GATAD1: variants seen among roughly 807,000 people sequenced by gnomAD.
GATAD1 encodes GATA zinc finger domain-containing protein 1.
A neutral mutation model predicts 26.5 loss-of-function variants in GATAD1; 12 were observed. The observed-to-expected ratio is 0.45, with a 90% CI of 0.29 to 0.73. GATAD1 has a LOEUF of 0.73. GATAD1 is among the 30% of genes least tolerant of loss of function. GATAD1 has a pLI of 0.10. For missense variants in GATAD1, 266 were observed against 342.1 expected (o/e 0.78, Z 1.75); for synonymous variants, 129 against 133.1 (o/e 0.97, Z 0.21).
chr7:92,461,633 G>A (rs1789924995), downstream of GATAD1, among the ~76,000 whole-genome samples: 1 of 152,150 alleles, frequency 6.6e-6, no homozygotes, highest in African/African-American at 2.4e-5. Flanking sequence ...AGATCACATA[G>A]GGAAAGATAG....
the GATAD1 span, among the ~76,000 whole-genome samples, chr7:92,466,456 C>T: frequency 6.6e-6 from 1 of 152,224 alleles, no homozygotes; most frequent in African/African-American, 2.4e-5. Flanking sequence ...CCACCACACC[C>T]AGCCAGCAGT....
Position 92,447,687 on chromosome 7 carries a change from TC to T in GATAD1, c.-40del. The T allele has an allele frequency of 7.1e-7, 1 of 1,404,174 alleles. No homozygotes were observed. 87.0% of individuals were successfully genotyped at this position (1,404,174 alleles called of 1,614,324 possible). Reference sequence around the variant, plus strand: ...GGGCGGCCGGGCTACCGTCCGCCATTCCCGTGTCTCTGCGCCCGCGGGGGCC... The same window carrying T: ...GGGCGGCCGGGCTACCGTCCGCCATTCCGTGTCTCTGCGCCCGCGGGGGCC... On this transcript the variant is annotated 5_prime_UTR_variant, in exon 1 of 5. Coordinates refer to ENST00000287957, the MANE Select transcript of GATAD1 (RefSeq NM_021167.5).
At chr7:92,494,539 G>C in the GATAD1 span, 1 of 1,613,772 alleles carries the variant, frequency 6.2e-7, no homozygotes, top group Non-Finnish European at 8.5e-7. Context: ...TAACTACTCG[G>C]TCTGTAACTC....
chr7:92,494,246 G>A, the GATAD1 span: 2 of 1,328,384 alleles, frequency 1.5e-6, no homozygotes, highest in Non-Finnish European at 2.2e-6. Context: ...CACAAGGAAA[G>A]AGTGTAGCAT....
At chr7:92,448,534 G>T (rs902092527) in intron 1 of GATAD1, among the ~76,000 whole-genome samples, 2 of 152,132 alleles carry the variant, frequency 1.3e-5, no homozygotes, top group African/African-American at 2.4e-5. Context: ...CTCTGGAGAC[G>T]CCTGTCCAGC....
the GATAD1 span, among the ~76,000 whole-genome samples, chr7:92,492,508 G>GAA: frequency 6.6e-6 from 1 of 152,134 alleles, no homozygotes. Context: ...AGTGATTCAA[G>GAA]AATGATGAGG....
chr7:92,488,504 GT>G, the GATAD1 span, among the ~76,000 whole-genome samples: 1 of 152,046 alleles, frequency 6.6e-6, no homozygotes, highest in East Asian at 1.9e-4. Flanking sequence ...AGATGCATAG[GT>G]GGCCATAAAC....
the GATAD1 span, among the ~76,000 whole-genome samples, chr7:92,492,373 A>G: frequency 6.6e-6 from 1 of 152,190 alleles, no homozygotes; most frequent in African/African-American, 2.4e-5. Flanking sequence ...CAGTTTGTGC[A>G]ACCATGATTT....
chr7:92,468,853 G>C, the GATAD1 span: 2 of 764,520 alleles, frequency 2.6e-6, no homozygotes, highest in South Asian at 1.3e-5. Context: ...ATTAACATCA[G>C]ATCGTGGGCT....
chr7:92,494,469 T>C, the GATAD1 span: 3 of 1,612,916 alleles, frequency 1.9e-6, no homozygotes, highest in Non-Finnish European at 2.5e-6. Context: ...ATTCTATTTC[T>C]GTATTTATAA....
At chr7:92,489,952 G>C in the GATAD1 span, 5 of 1,495,408 alleles carry the variant, frequency 3.3e-6, no homozygotes, top group Middle Eastern at 1.7e-4. Flanking sequence ...GAAGGAAGAG[G>C]GGGAGAGAAA....
chr7:92,462,661 A>C (rs1789963434), downstream of GATAD1, among the ~76,000 whole-genome samples: 4 of 152,212 alleles, frequency 2.6e-5, no homozygotes, highest in South Asian at 8.3e-4. Context: ...CCTGGCCCCC[A>C]AGGCAATGGT....
At chr7:92,487,905 T>C in the GATAD1 span, among the ~76,000 whole-genome samples, 1 of 152,208 alleles carries the variant, frequency 6.6e-6, no homozygotes, top group Non-Finnish European at 1.5e-5. Context: ...TTAGTGATGG[T>C]GCAGTATATC....
the GATAD1 span, chr7:92,487,628 T>C: frequency 1.7e-6 from 1 of 590,260 alleles, no homozygotes; most frequent in Middle Eastern, 4.7e-4. Flanking sequence ...CACAATTATA[T>C]TTTAAGAAAT....
chr7:92,476,474 A>G, the GATAD1 span, among the ~76,000 whole-genome samples: 1 of 152,180 alleles, frequency 6.6e-6, no homozygotes, highest in Non-Finnish European at 1.5e-5. Flanking sequence ...AGTGGATTGG[A>G]GTGCTATAGG....
At chr7:92,448,082 T>G in intron 1 of GATAD1, 104 bp downstream of exon 1, 1 of 856,224 alleles carries the variant, frequency 1.2e-6, no homozygotes, top group South Asian at 5.9e-5. Flanking sequence ...CCGATCGCCG[T>G]GCTCCTGCTG....
chr7:92,447,619 T>C lies in GATAD1; in HGVS notation c.-111T>C, dbSNP rs1040890783. On this transcript the variant is annotated 5_prime_UTR_variant, in exon 1 of 5. Transcript: ENST00000287957. ...TTCACCGGCAGCTCCGTGCCGACGC[T>C]CTCACCGCTCTTCCTATCGCCGGGA... 12 of 1,295,508 alleles carry C rather than the reference T, an allele frequency of 9.3e-6. No homozygotes were observed. The African/African-American group carries it at 1.9e-4, about 20-fold the overall frequency. The allele number at this position is 1,295,508 out of a possible 1,614,324, so 80.3% of individuals were successfully genotyped here.
At chr7:92,491,445 G>A in the GATAD1 span, 2 of 1,613,700 alleles carry the variant, frequency 1.2e-6, no homozygotes, top group East Asian at 2.2e-5. Context: ...CCACTGCTAT[G>A]GTTAAGAAAG....
the GATAD1 span, chr7:92,478,133 TC>T: frequency 1.3e-5 from 2 of 152,196 alleles, no homozygotes; most frequent in Non-Finnish European, 2.9e-5. Context: ...GTGGTCACCT[TC>T]CCAGCTAGGC....
Sources: allele counts gnomAD v4.1 joint callset (sites outside exome capture counted in the v4.1 genomes callset), GRCh38; gene constraint gnomAD v4.1.1; transcripts MANE v1.5; gene names NCBI Gene and HGNC (gene_info 2026-07-23, HGNC 2026-07-21).